ZDHHC17: variants seen among roughly 807,000 people sequenced by gnomAD.
ZDHHC17 encodes the protein palmitoyltransferase ZDHHC17.
A neutral mutation model predicts 90.3 loss-of-function variants in ZDHHC17; 40 were observed. The ratio of observed to expected loss-of-function variants is 0.44; its 90% CI spans 0.34 to 0.58. The LOEUF (loss-of-function observed/expected upper bound fraction) is 0.58. Among genes scored for constraint, ZDHHC17 ranks in the 20% least tolerant of loss-of-function variants. The probability of loss-of-function intolerance (pLI) is 0.01; values close to 1 mark genes in which losing one functional copy is unlikely to be tolerated. For missense variants in ZDHHC17, 614 were observed against 780.8 expected, an observed-to-expected ratio of 0.79 and a Z score of 2.55; for synonymous variants, 235 against 252.4, an observed-to-expected ratio of 0.93 and a Z score of 0.65.
chr12:76,764,362 T>G, intron 1 of ZDHHC17, 33 bp downstream of exon 1: 1 of 1,542,716 alleles, frequency 6.5e-7, no homozygotes, highest in Non-Finnish European at 8.8e-7. Context: ...TTCCTTGCCC[T>G]GCGGCCCTCC....
At chr12:76,814,701 T>C (rs993164587) in intron 5 of ZDHHC17, among the ~76,000 whole-genome samples, 1 of 151,958 alleles carries the variant, frequency 6.6e-6, no homozygotes, top group Non-Finnish European at 1.5e-5. Context: ...CATTTAACTC[T>C]AAAAATGTAC....
At chr12:76,816,394 A>T (rs1296688911) in intron 7 of ZDHHC17, among the ~76,000 whole-genome samples, 1 of 152,026 alleles carries the variant, frequency 6.6e-6, no homozygotes, top group Non-Finnish European at 1.5e-5. Context: ...ATAAGATTCT[A>T]TTGCTAGTCT....
chr12:76,809,065 A>G lies in ZDHHC17; in HGVS notation c.343A>G (p.Ile115Val). ...TAGATACTATATTTCGAAAGGTGCT[A>G]TTGTGGATCAACTTGGAGGGGACCT... Reference protein sequence around the residue: ...LVKYYISKGAIVDQLGGDLNS... With the variant: ...LVKYYISKGAVVDQLGGDLNS... Residue 115 changes from isoleucine (I) to valine (V), a missense_variant, in exon 4 of 17, where the codon ATT (isoleucine) becomes GTT (valine). By Grantham distance (29) the Ile-to-Val change is conservative. Transcript: ENST00000426126. 6.4e-7 allele frequency: 1 copy of G among 1,566,594 alleles called. No homozygotes were observed. Among genetic ancestry groups the G allele is most frequent in the Non-Finnish European group, 8.6e-7 (1 of 1,157,362 alleles).
At position 76,851,120 on chromosome 12, in the gene ZDHHC17, C is replaced by A; in HGVS notation, c.*135C>A. Reference sequence around the variant, plus strand: ...TAGGGCTAATGGTGAATTTTACAGTCTTTTTTTCAACACTTTTATTAACAA... The same window carrying A: ...TAGGGCTAATGGTGAATTTTACAGTATTTTTTTCAACACTTTTATTAACAA... On this transcript the variant is annotated 3_prime_UTR_variant, in exon 17 of 17. Coordinates refer to ENST00000426126, the MANE Select transcript of ZDHHC17 (RefSeq NM_015336.4). 1.9e-6 allele frequency: 2 copies of A among 1,057,172 alleles called. No homozygotes were observed. Among genetic ancestry groups the A allele is most frequent in the Non-Finnish European group, 2.6e-6 (2 of 755,914 alleles). The allele number at this position is 1,057,172 out of a possible 1,614,324, so 65.5% of individuals were successfully genotyped here.
At chr12:76,834,136 T>G (rs2137794133) in intron 10 of ZDHHC17, among the ~76,000 whole-genome samples, 1 of 152,322 alleles carries the variant, frequency 6.6e-6, no homozygotes, top group African/African-American at 2.4e-5. Flanking sequence ...ATGTATCATT[T>G]TAGCAGTGGT....
rs1952664453 is a variant in ZDHHC17, at chr12:76,784,574, G to C, written c.94-12860G>C. On this transcript the variant is annotated intron_variant, in intron 1 of 16. Transcript: ENST00000426126. Reference sequence around the variant, plus strand: ...CTTATTCATGCCCTAATTGAACAGGGTGGAAGATTAACAGCAGAAACAGTA... The same window carrying C: ...CTTATTCATGCCCTAATTGAACAGGCTGGAAGATTAACAGCAGAAACAGTA... Among the ~76,000 whole-genome samples the C allele has an allele frequency of 1.3e-5, 2 of 152,178 alleles. 1 individual carries two copies. The highest frequency in any genetic ancestry group is 4.1e-4 in the South Asian group (2 of 4,834).
intron 2 of ZDHHC17, among the ~76,000 whole-genome samples, chr12:76,805,062 A>C (rs1278464076): frequency 1.3e-5 from 2 of 152,084 alleles, no homozygotes; most frequent in African/African-American, 4.8e-5. Flanking sequence ...AACTGATTGA[A>C]ATTTTATTTC....
intron 5 of ZDHHC17, 99 bp downstream of exon 5, chr12:76,809,956 A>G (rs1953000094): frequency 1.6e-6 from 2 of 1,288,528 alleles, no homozygotes; most frequent in Admixed American, 2.2e-5. Context: ...ATATTTAAAT[A>G]GCACTTTCTG....
At chr12:76,811,730 G>T (rs1409967351) in intron 5 of ZDHHC17, among the ~76,000 whole-genome samples, 1 of 94,080 alleles carries the variant, frequency 1.1e-5, no homozygotes. Flanking sequence ...TCTCCCCTTG[G>T]CCATCTGCTG....
At chr12:76,783,491 G>T (rs563483069) in intron 1 of ZDHHC17, among the ~76,000 whole-genome samples, 56 of 152,218 alleles carry the variant, frequency 3.7e-4, no homozygotes, top group Non-Finnish European at 7.8e-4. Flanking sequence ...GAACAACATG[G>T]TGGAAACCGC....
At chr12:76,823,094 C>T (rs1408692068) in intron 8 of ZDHHC17, among the ~76,000 whole-genome samples, 11 of 152,108 alleles carry the variant, frequency 7.2e-5, no homozygotes, top group Admixed American at 7.2e-4. Flanking sequence ...TTATTTAAAT[C>T]TCCATCGGCT....
intron 11 of ZDHHC17, among the ~76,000 whole-genome samples, chr12:76,842,638 A>G (rs1489800631): frequency 1.3e-5 from 2 of 152,182 alleles, no homozygotes; most frequent in African/African-American, 4.8e-5. Flanking sequence ...TTAGTCTCTA[A>G]AAACAGGACA....
intron 8 of ZDHHC17, among the ~76,000 whole-genome samples, chr12:76,823,354 A>G (rs1230812812): frequency 6.6e-6 from 1 of 152,196 alleles, no homozygotes; most frequent in Non-Finnish European, 1.5e-5. Flanking sequence ...AACTCATTTT[A>G]GATCATCCAT....
intron 12 of ZDHHC17, 100 bp from the exon 13 acceptor site, chr12:76,845,609 T>C (rs1592499982): frequency 1.1e-5 from 5 of 463,334 alleles, no homozygotes; most frequent in African/African-American, 2.1e-5. Flanking sequence ...TTAAAAAATA[T>C]AGTTTTATTT....
intron 8 of ZDHHC17, among the ~76,000 whole-genome samples, chr12:76,824,720 A>G (rs550902718): frequency 6.6e-6 from 1 of 151,988 alleles, no homozygotes; most frequent in East Asian, 1.9e-4. Context: ...TGGTGCGCCT[A>G]TAGTCCCAGC....
intron 7 of ZDHHC17, among the ~76,000 whole-genome samples, chr12:76,818,009 A>G (rs1953109981): frequency 6.6e-6 from 1 of 152,054 alleles, no homozygotes; most frequent in African/African-American, 2.4e-5. Context: ...ATTTTTTTCC[A>G]GTTATTTTCT....
intron 2 of ZDHHC17, among the ~76,000 whole-genome samples, chr12:76,798,944 A>T (rs1952854837): frequency 6.6e-6 from 1 of 152,136 alleles, no homozygotes; most frequent in Non-Finnish European, 1.5e-5. Flanking sequence ...AACATTGGGG[A>T]TTACAATTGA....
intron 1 of ZDHHC17, among the ~76,000 whole-genome samples, chr12:76,768,526 A>G (rs1477154205): frequency 6.6e-6 from 1 of 152,252 alleles, no homozygotes; most frequent in Non-Finnish European, 1.5e-5. Flanking sequence ...CTAGTTGGGA[A>G]GTTGTAGGCA....
At chr12:76,843,216 C>A (rs952031953) in intron 12 of ZDHHC17, among the ~76,000 whole-genome samples, 1 of 152,122 alleles carries the variant, frequency 6.6e-6, no homozygotes, top group Non-Finnish European at 1.5e-5. Flanking sequence ...TATTCATTCT[C>A]TTTCTCTTTT....
Sources: allele counts gnomAD v4.1 joint callset (sites outside exome capture counted in the v4.1 genomes callset), GRCh38; gene constraint gnomAD v4.1.1; transcripts MANE v1.5; gene names NCBI Gene and HGNC (gene_info 2026-07-23, HGNC 2026-07-21).